TRIM10: variants seen among roughly 807,000 people sequenced by gnomAD.
TRIM10 encodes tripartite motif containing 10.
A neutral mutation model predicts 40.0 loss-of-function variants in TRIM10; 42 were observed. The observed-to-expected ratio is 1.05, with a 90% confidence interval of 0.82 to 1.36. The LOEUF is 1.36. TRIM10 is among the 40% of genes most tolerant of loss of function. TRIM10 has a pLI of 0.00. For synonymous variants in TRIM10, 260 were observed against 239.5 expected (o/e 1.09, Z -0.79); for missense variants, 601 against 608.3 (o/e 0.99, Z 0.13).
intron 2 of TRIM10, among the ~76,000 whole-genome samples, chr6:30,158,842 G>C (rs1450432963): frequency 6.6e-6 from 1 of 152,100 alleles, no homozygotes; most frequent in African/African-American, 2.4e-5. Flanking sequence ...TGTAGGAGGA[G>C]GTGGTGGGGA....
chr6:30,162,783 G>A (rs1268861939), upstream of TRIM10, among the ~76,000 whole-genome samples: 1 of 152,076 alleles, frequency 6.6e-6, no homozygotes, highest in Non-Finnish European at 1.5e-5. Context: ...TGTTTGCCTA[G>A]AGGGTTATTA....
chr6:30,159,287 T>G, intron 1 of TRIM10, 42 bp from the exon 2 acceptor site: 1 of 1,423,382 alleles, frequency 7.0e-7, no homozygotes, highest in Non-Finnish European at 9.9e-7. Context: ...GGAAAATGAT[T>G]TGTTCAGGTT....
At chr6:30,156,902 G>A in intron 5 of TRIM10, 37 bp downstream of exon 5, 12 of 1,589,874 alleles carry the variant, frequency 7.5e-6, no homozygotes, top group Non-Finnish European at 1.0e-5. Context: ...AGGCTTCATG[G>A]CCACCTGCGC....
chr6:30,157,921 G>A (rs1247914666), intron 3 of TRIM10, among the ~76,000 whole-genome samples: 2 of 152,030 alleles, frequency 1.3e-5, no homozygotes, highest in East Asian at 3.9e-4. Flanking sequence ...AAGGTCTCCT[G>A]TTTCTCAGTC....
At chr6:30,155,662 C>T in intron 6 of TRIM10, 65 bp downstream of exon 6, 1 of 1,546,138 alleles carries the variant, frequency 6.5e-7, no homozygotes, top group Non-Finnish European at 8.9e-7. Flanking sequence ...AGTGCAAATC[C>T]TGCAAAATTT....
At position 30,154,308 on chromosome 6, in the gene TRIM10, C is replaced by T; in HGVS notation, c.1107G>A (p.Val369=). The T allele has an allele frequency of 6.2e-7, 1 of 1,613,088 alleles. No homozygotes were observed. Among genetic ancestry groups the T allele is most frequent in the Non-Finnish European group, 8.5e-7 (1 of 1,180,026 alleles). ...TGCCCCCATGGGCCAGGTCTATACT[C>T]ACCACCCACGTGTGTCTCCCCCCTG... ...GITGGRHTWV[V]SIDLAHGGSC... The change falls in exon 7 of 7, where the codon GTG becomes GTA. Residue 369 remains valine, a synonymous_variant. Transcript: ENST00000449742.
In TRIM10 at chr6:30,154,376, G is replaced by T; in HGVS notation, c.1039C>A (p.Arg347Ser). 2 of 1,612,994 alleles carry T rather than the reference G, an allele frequency of 1.2e-6. No individual in the cohort carries two copies. The highest frequency in any genetic ancestry group is 1.7e-6 in the Non-Finnish European group (2 of 1,179,974). Residue 347 changes from arginine to serine, a missense_variant, in exon 7 of 7, where the codon CGT (arginine) becomes AGT (serine). Transcript: ENST00000449742. The stretch of plus-strand genomic sequence containing the variant: ...AGAACACAGGTGGCCCGGTCAAAAC[G>T]TTGGGGGTTGTCTGGTGAGTTCTGC... ...KWQNSPDNPQ[R>S]FDRATCVLAH...
intron 6 of TRIM10, 74 bp from the exon 7 acceptor site, chr6:30,154,560 C>T: frequency 1.3e-6 from 2 of 1,568,650 alleles, no homozygotes; most frequent in East Asian, 2.2e-5. Context: ...GAAACTCCCC[C>T]TGGGCCCCTC....
At chr6:30,158,881 C>T (rs1004526814) in intron 2 of TRIM10, among the ~76,000 whole-genome samples, 3 of 152,192 alleles carry the variant, frequency 2.0e-5, no homozygotes, top group African/African-American at 7.2e-5. Context: ...GTATGAAAAG[C>T]ACATTATGTG....
In TRIM10 at chr6:30,153,475, TCTCTATA is replaced by T; in HGVS notation, c.*487_*493del. 2 of 565,742 alleles carry T rather than the reference TCTCTATA, an allele frequency of 3.5e-6. No homozygotes were observed. The highest frequency in any genetic ancestry group is 3.1e-6 in the Non-Finnish European group (1 of 319,456). 35.0% of individuals were successfully genotyped at this position (565,742 alleles called of 1,614,324 possible). ...TCAGATATAGAGCAGGTTTTTTTTTTCTCTATATTTTCAAGTCACCAGTGGCCACCAC... is the reference window on the plus strand; with the variant it reads ...TCAGATATAGAGCAGGTTTTTTTTTTTTTTCAAGTCACCAGTGGCCACCAC... On this transcript the variant is annotated 3_prime_UTR_variant, in exon 7 of 7. Coordinates refer to ENST00000449742, the MANE Select transcript of TRIM10 (RefSeq NM_006778.4).
intron 6 of TRIM10, 76 bp downstream of exon 6, chr6:30,155,651 T>C (rs1772464880): frequency 7.4e-7 from 1 of 1,357,646 alleles, no homozygotes; most frequent in Non-Finnish European, 1.0e-6. Context: ...AACATAGTCA[T>C]AGTGCAAATC....
chr6:30,160,750 G>T lies in TRIM10; in HGVS notation c.109C>A (p.Arg37=), dbSNP rs371530091. The part of the protein sequence containing the change: ...VTIDCGHNFC[R]ACLTRYCEIP... ...TCACAGTAGCGGGTAAGGCAGGCCC[G>T]GCAGAAGTTGTGGCCGCAGTCGATA... is the stretch of plus-strand genomic sequence containing the variant. Residue 37 remains arginine (R), a synonymous_variant, in exon 1 of 7, where the codon CGG becomes AGG. Transcript: ENST00000449742. 6.2e-7 allele frequency: 1 copy of T among 1,614,182 alleles called. No homozygotes were observed. The highest frequency in any genetic ancestry group is 8.5e-7 in the Non-Finnish European group (1 of 1,180,040).
At chr6:30,163,637 C>A (rs775840637), upstream of TRIM10, 8 of 1,547,588 alleles carry the variant, frequency 5.2e-6, no homozygotes, top group Non-Finnish European at 7.0e-6. Context: ...AAAGGGAACT[C>A]GCGTGGGCTG....
rs762781594 is a variant in TRIM10, at chr6:30,154,127, GC to G, written c.1287del (p.Gln430ArgfsTer2). The part of the protein sequence containing the change: ...PTRLTLKEQP[R>X]QVRVSLDYEV... ...TCATAGTCAAGAGACACCCTCACCT[GC>G]CGGGGCTGCTCCTTCAGGGTCAGCC... is the stretch of plus-strand genomic sequence containing the variant. On this transcript the variant is annotated frameshift_variant, in exon 7 of 7. Transcript: ENST00000449742. LOFTEE classifies it high-confidence loss of function. 8.1e-6 allele frequency: 13 copies of G among 1,612,972 alleles called. No individual in the cohort carries two copies. The highest frequency in any genetic ancestry group is 1.1e-5 in the Non-Finnish European group (13 of 1,179,946).
Position 30,153,943 on chromosome 6 carries a change from A to G in TRIM10, c.*26T>C, listed in dbSNP as rs569324042. 20 of 1,581,934 alleles carry G rather than the reference A, an allele frequency of 1.3e-5. No individual in the cohort carries two copies. In the East Asian group the frequency reaches 4.3e-4, roughly 34 times the overall value. ...TTGGGTTGATATGAGTCCTGTACTT[A>G]GAGGAGAGTAGGTAACTGCTCCTTC... On this transcript the variant is annotated 3_prime_UTR_variant, in exon 7 of 7. Coordinates refer to ENST00000449742, the MANE Select transcript of TRIM10 (RefSeq NM_006778.4).
At chr6:30,156,878 C>T in intron 5 of TRIM10, 61 bp downstream of exon 5, 1 of 1,446,544 alleles carries the variant, frequency 6.9e-7, no homozygotes, top group South Asian at 1.1e-5. Flanking sequence ...AGCGTGGAGG[C>T]CACTCCTAAA....
rs762933234 is a variant in TRIM10 at position 30,154,066 on chromosome 6, C to T, written c.1349G>A (p.Arg450Gln). 1.5e-5 allele frequency: 24 copies of T among 1,612,238 alleles called. No homozygotes were observed. Among genetic ancestry groups the T allele is most frequent in the African/African-American group, 1.1e-4 (8 of 74,714 alleles). ...GGCAGTGAAGGTGTAGATGGGCTCT[C>T]GGGTGACAGCGTTGGTGAAGGTCAC... ...GWVTFTNAVT[R>Q]EPIYTFTASF... The change falls in exon 7 of 7, where the codon CGA becomes CAA. Residue 450 changes from arginine to glutamine, a missense_variant. By Grantham distance (43) the Arg-to-Gln change is conservative. Coordinates refer to ENST00000449742, the MANE Select transcript of TRIM10 (RefSeq NM_006778.4).
chr6:30,160,374 T>C, intron 1 of TRIM10, 56 bp downstream of exon 1: 3 of 1,554,704 alleles, frequency 1.9e-6, no homozygotes, highest in Non-Finnish European at 2.6e-6. Context: ...ACAACTCTGC[T>C]GTTTCTCTTA....
intron 5 of TRIM10, 94 bp downstream of exon 5, chr6:30,156,845 A>G: frequency 8.9e-7 from 1 of 1,128,712 alleles, no homozygotes; most frequent in Non-Finnish European, 1.3e-6. Flanking sequence ...AAGGCTTGCC[A>G]AAGTCACACC....
Sources: gnomAD v4.1 joint callset for allele counts (sites outside exome capture counted in the v4.1 genomes callset) on GRCh38, gnomAD v4.1.1 for gene constraint, MANE v1.5 for transcripts, NCBI Gene and HGNC (gene_info 2026-07-23, HGNC 2026-07-21) for gene names.